The following NPTN variants were observed in gnomAD, a reference collection of about 807,000 sequenced individuals.
The protein encoded by NPTN is SDR-1.
NPTN carries 5 observed loss-of-function variants against 42.7 expected under a neutral mutation model. The ratio of observed to expected loss-of-function variants is 0.12; its 90% CI spans 0.06 to 0.25. The LOEUF is 0.25. NPTN is among the 10% of genes least tolerant of loss of function. The probability of loss-of-function intolerance (pLI) is 1.00; values close to 1 mark genes in which losing one functional copy is unlikely to be tolerated. For missense variants in NPTN, 307 were observed against 525.4 expected (o/e 0.58, Z 4.06); for synonymous variants, 180 against 201.9 (o/e 0.89, Z 0.92).
At chr15:73,580,060 T>C (rs958071714) in intron 4 of NPTN, among the ~76,000 whole-genome samples, 20 of 152,172 alleles carry the variant, frequency 1.3e-4, no homozygotes, top group African/African-American at 4.8e-4. Flanking sequence ...ATTACCCCAC[T>C]TTTTAAAATT....
chr15:73,575,102 G>C (rs1489294417), intron 4 of NPTN, among the ~76,000 whole-genome samples: 1 of 152,212 alleles, frequency 6.6e-6, no homozygotes, highest in African/African-American at 2.4e-5. Flanking sequence ...TCCTGCCTCA[G>C]CCTCCTGAGT....
intron 1 of NPTN, among the ~76,000 whole-genome samples, chr15:73,627,600 A>C (rs983158779): frequency 6.6e-6 from 1 of 152,242 alleles, no homozygotes; most frequent in Non-Finnish European, 1.5e-5. Context: ...TTCTATACAG[A>C]TAGACAAAAG....
At chr15:73,573,565 A>G in intron 5 of NPTN, 97 bp downstream of exon 5, 1 of 1,353,578 alleles carries the variant, frequency 7.4e-7, no homozygotes, top group Non-Finnish European at 9.9e-7. Context: ...CCATGCACAC[A>G]TCCGAGGATA....
chr15:73,593,746 A>G (rs1232525622), intron 2 of NPTN, among the ~76,000 whole-genome samples: 1 of 152,210 alleles, frequency 6.6e-6, no homozygotes, highest in Non-Finnish European at 1.5e-5. Flanking sequence ...AATTAGTTCT[A>G]TTTTCCAACT....
At chr15:73,620,754 T>C (rs1285735544) in intron 1 of NPTN, among the ~76,000 whole-genome samples, 1 of 152,248 alleles carries the variant, frequency 6.6e-6, no homozygotes, top group Non-Finnish European at 1.5e-5. Context: ...TACCAAGAGC[T>C]GTTCACCTTT....
At chr15:73,633,091 C>A (rs1898851805) in intron 1 of NPTN, 34 bp downstream of exon 1, 12 of 1,378,168 alleles carry the variant, frequency 8.7e-6, no homozygotes, top group Non-Finnish European at 1.1e-5. Flanking sequence ...CGCCCCTCAA[C>A]CCCCGCCCGG....
At chr15:73,608,918 T>C (rs1182157301) in intron 1 of NPTN, among the ~76,000 whole-genome samples, 3 of 152,106 alleles carry the variant, frequency 2.0e-5, no homozygotes, top group Non-Finnish European at 4.4e-5. Flanking sequence ...TCTGGAGATA[T>C]CCAAATGTAG....
chr15:73,592,224 A>C (rs1896627321), intron 2 of NPTN, 87 bp from the exon 3 acceptor site: 2 of 1,154,122 alleles, frequency 1.7e-6, no homozygotes, highest in Non-Finnish European at 1.2e-6. Flanking sequence ...TAGGAGGGGG[A>C]AACTAGAAAA....
chr15:73,624,203 C>T (rs1199809333), intron 1 of NPTN, among the ~76,000 whole-genome samples: 2 of 152,178 alleles, frequency 1.3e-5, no homozygotes, highest in African/African-American at 4.8e-5. Flanking sequence ...AACAGTAATG[C>T]TGTTAGGTTA....
intron 1 of NPTN, among the ~76,000 whole-genome samples, chr15:73,619,048 G>C (rs1387174989): frequency 7.4e-6 from 1 of 136,054 alleles, no homozygotes; most frequent in Non-Finnish European, 1.5e-5. Flanking sequence ...AAACACAGCA[G>C]CAAGACCCTG....
chr15:73,571,177 C>T (rs1315579882), intron 5 of NPTN, among the ~76,000 whole-genome samples: 1 of 152,124 alleles, frequency 6.6e-6, no homozygotes, highest in African/African-American at 2.4e-5. Context: ...CCCAGCTACA[C>T]AGAAGGCTGA....
chr15:73,615,239 A>T (rs1484118111), intron 1 of NPTN, among the ~76,000 whole-genome samples: 3 of 151,552 alleles, frequency 2.0e-5, no homozygotes, highest in African/African-American at 4.8e-5. Flanking sequence ...CTTTTTAACT[A>T]TTCTTAAAAA....
Position 73,569,094 on chromosome 15 carries a change from C to A in NPTN, c.1114+1056G>T. ...AGCTGGACTACAGCTGGCAACCCCA[C>A]CATCACCCCGGGTAGGCTACCACTG... On this transcript the variant is annotated intron_variant, in intron 6 of 8. Coordinates refer to ENST00000345330, the MANE Select transcript of NPTN (RefSeq NM_012428.4). This position sits in a 1 kb window ranked among gnomAD's most constrained non-coding sequence, Gnocchi z 4.1. 1 of 985,824 alleles carries A rather than the reference C, an allele frequency of 1.0e-6. No individual in the cohort carries two copies. The highest frequency in any genetic ancestry group is 1.2e-6 in the Non-Finnish European group (1 of 830,264). The allele number at this position is 985,824 out of a possible 1,614,324, so 61.1% of individuals were successfully genotyped here.
At chr15:73,588,148 G>A (rs987790417) in intron 3 of NPTN, among the ~76,000 whole-genome samples, 8 of 152,202 alleles carry the variant, frequency 5.3e-5, no homozygotes, top group African/African-American at 1.2e-4. Flanking sequence ...GCTGAGGCAG[G>A]AGAATCACTT....
chr15:73,584,821 C>T (rs560358730), intron 4 of NPTN, among the ~76,000 whole-genome samples: 1 of 151,660 alleles, frequency 6.6e-6, no homozygotes, highest in African/African-American at 2.4e-5. Flanking sequence ...GATACAAGGC[C>T]TCCCCCACTA....
intron 4 of NPTN, among the ~76,000 whole-genome samples, chr15:73,580,111 G>GTT (rs959225257): frequency 6.6e-6 from 1 of 151,936 alleles, no homozygotes; most frequent in African/African-American, 2.4e-5. Flanking sequence ...TGTTTAAATG[G>GTT]TAAAGCCAGA....
Position 73,605,419 on chromosome 15 carries a change from T to C in NPTN, c.92-8050A>G, listed in dbSNP as rs552340245. ...CAAAAATAGAACCTGACATCAGACC[T>C]GAGAAACAGAAAGAATTGGAAAATG... is the stretch of plus-strand genomic sequence containing the variant. On this transcript the variant is annotated intron_variant, in intron 1 of 8. Transcript: ENST00000345330. Among the ~76,000 whole-genome samples the C allele has an allele frequency of 2.0e-5, 3 of 151,836 alleles. No individual in the cohort carries two copies. In the East Asian group the frequency reaches 5.8e-4, roughly 29 times the overall value.
intron 5 of NPTN, among the ~76,000 whole-genome samples, chr15:73,571,891 C>A (rs1348800468): frequency 6.6e-6 from 1 of 152,166 alleles, no homozygotes; most frequent in Non-Finnish European, 1.5e-5. Flanking sequence ...GTCTGTGATG[C>A]CTCAAGCTTC....
Position 73,585,613 on chromosome 15 carries a change from T to TG in NPTN, c.706+1910dup, listed in dbSNP as rs1303546063. 2.0e-5 allele frequency among the ~76,000 whole-genome samples: 3 copies of TG among 152,300 alleles called. No individual in the cohort carries two copies. In the East Asian group the frequency reaches 5.8e-4, roughly 29 times the overall value. On this transcript the variant is annotated intron_variant, in intron 4 of 8. Coordinates refer to ENST00000345330, the MANE Select transcript of NPTN (RefSeq NM_012428.4). Reference sequence around the variant, plus strand: ...ATTGAACTCTTTTCTATCCAGGTGTTGGGGGGAGAAGGAAAGACAGACTAG... The same window carrying TG: ...ATTGAACTCTTTTCTATCCAGGTGTTGGGGGGGAGAAGGAAAGACAGACTAG...
Sources: gnomAD v4.1 joint callset for allele counts (sites outside exome capture counted in the v4.1 genomes callset) on GRCh38, gnomAD v4.1.1 for gene constraint, Gnocchi (gnomAD v3.1) non-coding constraint, MANE v1.5 for transcripts, NCBI Gene and HGNC (gene_info 2026-07-23, HGNC 2026-07-21) for gene names.